Variants in TBC1D1 observed in about 807,000 individuals in gnomAD.
The protein encoded by TBC1D1 is TBC1 (tre-2/USP6, BUB2, cdc16) domain family, member 1.
A neutral mutation model predicts 125.6 loss-of-function variants in TBC1D1; 89 were observed. That is an observed-to-expected ratio of 0.71 (90% CI 0.60 to 0.85). The LOEUF (loss-of-function observed/expected upper bound fraction) is 0.85, where lower values mean the gene tolerates loss of function less well. Among genes scored for constraint, TBC1D1 ranks in the 40% least tolerant of loss-of-function variants. TBC1D1 has a pLI of 0.00. For synonymous variants in TBC1D1, 565 were observed against 564.1 expected (o/e 1.00, Z -0.02); for missense variants, 1,377 against 1,469.2 (o/e 0.94, Z 1.03).
chr4:38,113,561 C>T (rs1204600752), intron 15 of TBC1D1, among the ~76,000 whole-genome samples: 1 of 152,214 alleles, frequency 6.6e-6, no homozygotes, highest in Non-Finnish European at 1.5e-5. Flanking sequence ...ATTCTGCTAC[C>T]AGCACCTGTT....
chr4:37,944,788 G>A (rs1211241086), intron 2 of TBC1D1, among the ~76,000 whole-genome samples: 1 of 152,192 alleles, frequency 6.6e-6, no homozygotes, highest in African/African-American at 2.4e-5. Flanking sequence ...CTTCCCAGGT[G>A]AGGCGATGCC....
intron 14 of TBC1D1, among the ~76,000 whole-genome samples, chr4:38,098,607 A>G (rs562725935): frequency 3.7e-4 from 57 of 152,354 alleles, no homozygotes; most frequent in African/African-American, 1.3e-3. Context: ...TTTTTACTGC[A>G]GAAGCTCTAA....
At chr4:37,929,308 G>C (rs1722777551) in intron 2 of TBC1D1, among the ~76,000 whole-genome samples, 1 of 152,200 alleles carries the variant, frequency 6.6e-6, no homozygotes, top group Non-Finnish European at 1.5e-5. Context: ...TAAAAACTGA[G>C]TGACAGAGGA....
chr4:37,917,694 C>T (rs1720029486), intron 2 of TBC1D1, among the ~76,000 whole-genome samples: 1 of 152,102 alleles, frequency 6.6e-6, no homozygotes, highest in Non-Finnish European at 1.5e-5. Flanking sequence ...TCTCTTTCCC[C>T]ATGAGAAGGG....
intron 2 of TBC1D1, among the ~76,000 whole-genome samples, chr4:37,979,356 C>T (rs1026462231): frequency 3.9e-5 from 6 of 152,182 alleles, no homozygotes; most frequent in Admixed American, 1.3e-4. Flanking sequence ...TTATAGATAA[C>T]GTGTTATCCT....
intron 15 of TBC1D1, among the ~76,000 whole-genome samples, chr4:38,114,210 C>G (rs1320242379): frequency 1.3e-5 from 2 of 152,076 alleles, no homozygotes; most frequent in Non-Finnish European, 2.9e-5. Context: ...ATAATTTGTT[C>G]TTTGAGCACT....
At chr4:37,952,484 T>C (rs959954622) in intron 2 of TBC1D1, 5 of 180,548 alleles carry the variant, frequency 2.8e-5, no homozygotes, top group Admixed American at 1.1e-4. Flanking sequence ...TCTAGGAACA[T>C]GGATGGAGCT....
intron 12 of TBC1D1, among the ~76,000 whole-genome samples, chr4:38,079,461 A>G (rs1307926948): frequency 6.6e-6 from 1 of 152,152 alleles, no homozygotes; most frequent in African/African-American, 2.4e-5. Context: ...GTGGTGGCTC[A>G]TGCCTGTATC....
intron 2 of TBC1D1, among the ~76,000 whole-genome samples, chr4:37,982,212 G>T (rs1382056448): frequency 6.6e-6 from 1 of 152,154 alleles, no homozygotes; most frequent in Admixed American, 6.5e-5. Flanking sequence ...CTGTTTACCA[G>T]CACACAGCAC....
intron 12 of TBC1D1, among the ~76,000 whole-genome samples, chr4:38,076,842 G>A (rs903606085): frequency 2.8e-4 from 42 of 152,094 alleles, no homozygotes; most frequent in African/African-American, 9.4e-4. Context: ...ACCATCTCCT[G>A]GGCCCGAGAG....
chr4:37,920,482 T>C (rs915321680), intron 2 of TBC1D1, among the ~76,000 whole-genome samples: 9 of 152,098 alleles, frequency 5.9e-5, no homozygotes, highest in Non-Finnish European at 1.3e-4. Flanking sequence ...TAGGCATCTG[T>C]CCTTGGCCAC....
chr4:37,939,747 C>A (rs1289122303), intron 2 of TBC1D1, among the ~76,000 whole-genome samples: 2 of 152,176 alleles, frequency 1.3e-5, no homozygotes, highest in Non-Finnish European at 2.9e-5. Flanking sequence ...ATATGGCTAG[C>A]CAGTTTTCCC....
intron 12 of TBC1D1, among the ~76,000 whole-genome samples, chr4:38,082,458 T>G (rs1000182679): frequency 6.6e-6 from 1 of 152,356 alleles, no homozygotes; most frequent in East Asian, 1.9e-4. Context: ...CTTAAGATTC[T>G]GGCTGAGGCG....
chr4:38,084,930 TCA>T (rs1757215262), intron 12 of TBC1D1, among the ~76,000 whole-genome samples: 1 of 152,210 alleles, frequency 6.6e-6, no homozygotes, highest in African/African-American at 2.4e-5. Flanking sequence ...GAACTGCAGT[TCA>T]GAACTTAATG....
intron 14 of TBC1D1, among the ~76,000 whole-genome samples, chr4:38,102,039 A>G (rs1760433547): frequency 6.9e-6 from 1 of 144,056 alleles, no homozygotes; most frequent in South Asian, 2.2e-4. Flanking sequence ...TGGGAATTGA[A>G]CAATGAGAAC....
chr4:38,103,205 A>G, intron 15 of TBC1D1, 48 bp downstream of exon 17: 1 of 1,566,408 alleles, frequency 6.4e-7, no homozygotes. Flanking sequence ...TTTCACTCAC[A>G]TGAAAAATCT....
chr4:38,049,067 AATT>A (rs1277623326), intron 10 of TBC1D1, among the ~76,000 whole-genome samples: 6 of 152,210 alleles, frequency 3.9e-5, no homozygotes, highest in Non-Finnish European at 7.3e-5. Flanking sequence ...TGCAGAAAGA[AATT>A]ATTTGCCCTG....
chr4:38,080,670 T>G (rs1330897210), intron 12 of TBC1D1, among the ~76,000 whole-genome samples: 1 of 143,828 alleles, frequency 7.0e-6, no homozygotes, highest in Non-Finnish European at 1.5e-5. Flanking sequence ...CTCCCACCCC[T>G]CCTCACCCCG....
chr4:38,022,070 T>C (rs1447797275), intron 6 of TBC1D1, among the ~76,000 whole-genome samples: 2 of 152,172 alleles, frequency 1.3e-5, no homozygotes, highest in African/African-American at 4.8e-5. Flanking sequence ...TCTAGAAAGA[T>C]AAGAACTAAG....
Sources: allele counts gnomAD v4.1 joint callset (sites outside exome capture counted in the v4.1 genomes callset), GRCh38; gene constraint gnomAD v4.1.1; transcripts MANE v1.5; gene names NCBI Gene and HGNC (gene_info 2026-07-23, HGNC 2026-07-21).